Variants in TCN2 observed in about 807,000 individuals in gnomAD.
The protein encoded by TCN2 is transcobalamin 2.
TCN2 carries 34 observed loss-of-function variants against 48.6 expected under a neutral mutation model. That is an observed-to-expected ratio of 0.70 (90% CI 0.53 to 0.93). The LOEUF is 0.93. TCN2 is among the 40% of genes least tolerant of loss of function. TCN2 has a pLI of 0.00. For synonymous variants in TCN2, 283 were observed against 212.5 expected (o/e 1.33, Z -2.89); for missense variants, 652 against 526.1 (o/e 1.24, Z -2.34).
intron 8 of TCN2, among the ~76,000 whole-genome samples, chr22:30,625,007 A>G (rs2087783295): frequency 6.6e-6 from 1 of 152,220 alleles, no homozygotes; most frequent in Non-Finnish European, 1.5e-5. Flanking sequence ...ACCTGAGATC[A>G]GTAGTTCAAG....
intron 7 of TCN2, among the ~76,000 whole-genome samples, chr22:30,618,854 C>T (rs1295358247): frequency 3.3e-5 from 5 of 152,136 alleles, no homozygotes; most frequent in Admixed American, 1.3e-4. Context: ...ATGGCAGCAT[C>T]TACCTCCCAG....
At chr22:30,625,082 G>C (rs1238221451) in intron 8 of TCN2, among the ~76,000 whole-genome samples, 1 of 152,114 alleles carries the variant, frequency 6.6e-6, no homozygotes, top group Non-Finnish European at 1.5e-5. Context: ...GCTGGGGGTG[G>C]TGGCGGGCAC....
intron 7 of TCN2, among the ~76,000 whole-genome samples, chr22:30,620,022 T>TG (rs1240008974): frequency 6.6e-5 from 10 of 152,262 alleles, no homozygotes; most frequent in African/African-American, 2.4e-4. Flanking sequence ...CTGGGCATGA[T>TG]GGTGTGCACC....
rs184174370 is a variant in TCN2, at chr22:30,614,518, G to T, written c.580+17G>T. The T allele has an allele frequency of 1.6e-5, 26 of 1,613,904 alleles. No individual in the cohort carries two copies. In the East Asian group the frequency reaches 5.6e-4, roughly 35 times the overall value. The stretch of plus-strand genomic sequence containing the variant: ...ATTCTGTGGGTGAGTAGGTCAGACC[G>T]TGCCAAGGCCAGGCTGGCACTCCCT... On this transcript the variant is annotated intron_variant, in intron 4 of 8. Coordinates refer to ENST00000215838, the MANE Select transcript of TCN2 (RefSeq NM_000355.4).
chr22:30,622,809 G>A (rs1371352415), intron 7 of TCN2, among the ~76,000 whole-genome samples, 159 bp from the exon 8 acceptor site: 1 of 152,190 alleles, frequency 6.6e-6, no homozygotes, highest in African/African-American at 2.4e-5. Flanking sequence ...GGAGGTGGAA[G>A]TTGAGATCAC....
At chr22:30,623,121 C>G (rs2087722636) in intron 8 of TCN2, 38 bp downstream of exon 8, 1 of 1,605,954 alleles carries the variant, frequency 6.2e-7, no homozygotes, top group Middle Eastern at 1.7e-4. Flanking sequence ...TGTCCCCTAC[C>G]CCAAGCTTAC....
chr22:30,610,150 C>G, intron 1 of TCN2: 1 of 466,042 alleles, frequency 2.1e-6, no homozygotes, highest in South Asian at 1.6e-5. Flanking sequence ...TCGAATAAAT[C>G]CCACAGCAAC....
chr22:30,614,379 G>A lies in TCN2; in HGVS notation c.458G>A (p.Ser153Asn). The change falls in exon 4 of 9, where the codon AGC (serine) becomes AAC (asparagine). Residue 153 changes from serine (S) to asparagine (N), a missense_variant. By Grantham distance (46) the Ser-to-Asn change is conservative. Transcript: ENST00000215838. Reference sequence around the variant, plus strand: ...GATCACAAGGGCCACCCCCACACTAGCTACTACCAGTATGGCCTGGGCATT... The same window carrying A: ...GATCACAAGGGCCACCCCCACACTAACTACTACCAGTATGGCCTGGGCATT... ...GHDHKGHPHT[S>N]YYQYGLGILA... is the part of the protein sequence containing the mutation. The A allele has an allele frequency of 6.2e-7, 1 of 1,614,164 alleles. No individual in the cohort carries two copies. Among genetic ancestry groups the A allele is most frequent in the Admixed American group, 1.7e-5 (1 of 60,018 alleles).
intron 1 of TCN2, chr22:30,610,310 G>GT: frequency 2.1e-6 from 1 of 470,748 alleles, no homozygotes; most frequent in Non-Finnish European, 4.4e-6. Context: ...CCAGCTGGAA[G>GT]TTTGCGTTGT....
At chr22:30,611,723 G>C (rs1300441478) in intron 2 of TCN2, among the ~76,000 whole-genome samples, 1 of 152,224 alleles carries the variant, frequency 6.6e-6, no homozygotes, top group Non-Finnish European at 1.5e-5. Context: ...GGCCAGGCTG[G>C]TCTTGAACTC....
Position 30,622,951 on chromosome 22 carries a change from G to T in TCN2, c.1107-17G>T. ...ACAGCCACCTCTTCTCTCCCCATTT[G>T]CCTTTCCCTTCTGTAGATATGAAAC... On this transcript the variant is annotated splice_polypyrimidine_tract_variant and intron_variant, in intron 7 of 8. Coordinates refer to ENST00000215838, the MANE Select transcript of TCN2 (RefSeq NM_000355.4). 2.5e-6 allele frequency: 4 copies of T among 1,613,088 alleles called. No homozygotes were observed. Among genetic ancestry groups the T allele is most frequent in the Middle Eastern group, 1.6e-4 (1 of 6,062 alleles).
intron 1 of TCN2, among the ~76,000 whole-genome samples, chr22:30,609,897 C>A (rs1289896387): frequency 1.3e-5 from 2 of 152,130 alleles, no homozygotes; most frequent in Non-Finnish European, 2.9e-5. Flanking sequence ...CCCAGACCCA[C>A]AGAGATGGAG....
At position 30,623,029 on chromosome 22, in the gene TCN2, G is replaced by A. The variant is rs367605153; in HGVS notation, c.1168G>A (p.Gly390Arg). The A allele has an allele frequency of 2.2e-5, 35 of 1,613,844 alleles. No individual in the cohort carries two copies. The East Asian group carries it at 3.3e-4, about 15-fold the overall frequency. Residue 390 changes from glycine to arginine, a missense_variant, in exon 8 of 9, where the codon GGA becomes AGA. Coordinates refer to ENST00000215838, the MANE Select transcript of TCN2 (RefSeq NM_000355.4). ...AACCTCCGTGATGGGGAAAGCGGCCGGAGAAAGGGAGTTCTGGCAGCTTCT... is the reference window on the plus strand; with the variant it reads ...AACCTCCGTGATGGGGAAAGCGGCCAGAGAAAGGGAGTTCTGGCAGCTTCT... ...YLTSVMGKAA[G>R]EREFWQLLRD... is the part of the protein sequence containing the mutation.
At chr22:30,618,717 C>T (rs2087652225) in intron 7 of TCN2, among the ~76,000 whole-genome samples, 1 of 152,150 alleles carries the variant, frequency 6.6e-6, no homozygotes, top group Admixed American at 6.6e-5. Flanking sequence ...ATTCATAGCT[C>T]ACTGCAGCCT....
Position 30,623,411 on chromosome 22 carries a change from G to T in TCN2, c.1222+328G>T, listed in dbSNP as rs1469194617. 3 of 263,596 alleles carry T rather than the reference G, an allele frequency of 1.1e-5. No homozygotes were observed. In the East Asian group the frequency reaches 3.0e-4, roughly 26 times the overall value. 16.3% of individuals were successfully genotyped at this position (263,596 alleles called of 1,614,324 possible). A position where few individuals can be genotyped will look rare whatever the true frequency, so the allele number is the denominator to read the frequency against. On this transcript the variant is annotated intron_variant, in intron 8 of 8. Transcript: ENST00000215838. The stretch of plus-strand genomic sequence containing the variant: ...CTTGTTGCCCAGGCTGGAGTGCAGC[G>T]GTATGATCTCGGCTCGCTGCAACCT...
At chr22:30,610,051 C>T (rs755918075) in intron 1 of TCN2, among the ~76,000 whole-genome samples, 2 of 152,152 alleles carry the variant, frequency 1.3e-5, no homozygotes, top group Non-Finnish European at 2.9e-5. Context: ...GCAAACTACT[C>T]TAAGCTACCC....
At chr22:30,625,601 C>G (rs1360189412) in intron 8 of TCN2, among the ~76,000 whole-genome samples, 1 of 152,020 alleles carries the variant, frequency 6.6e-6, no homozygotes, top group African/African-American at 2.4e-5. Context: ...TACGTGTGAC[C>G]ATAGGCCCAT....
In TCN2 at chr22:30,614,404, T is replaced by G; in HGVS notation, c.483T>G (p.Ile161Met). The G allele has an allele frequency of 6.2e-7, 1 of 1,614,172 alleles. No homozygotes were observed. The highest frequency in any genetic ancestry group is 8.5e-7 in the Non-Finnish European group (1 of 1,180,022). Residue 161 changes from isoleucine to methionine, a missense_variant, in exon 4 of 9, where the codon ATT becomes ATG. Coordinates refer to ENST00000215838, the MANE Select transcript of TCN2 (RefSeq NM_000355.4). The stretch of plus-strand genomic sequence containing the variant: ...GCTACTACCAGTATGGCCTGGGCAT[T>G]CTGGCCCTGTGTCTCCACCAGAAGC... Reference protein sequence around the residue: ...HTSYYQYGLGILALCLHQKRV... With the variant: ...HTSYYQYGLGMLALCLHQKRV...
In TCN2 at chr22:30,626,454, C is replaced by A. The variant is rs758143653; in HGVS notation, c.1223-6C>A. On this transcript the variant is annotated splice_region_variant and splice_polypyrimidine_tract_variant and intron_variant, in intron 8 of 8. Coordinates refer to ENST00000215838, the MANE Select transcript of TCN2 (RefSeq NM_000355.4). ...TCGCCCCTCCTTGCTCAATCTGTTT[C>A]TGCAGGTATTGCTGACTACAGACCC... is the stretch of plus-strand genomic sequence containing the variant. The A allele has an allele frequency of 8.7e-6, 14 of 1,614,160 alleles. No homozygotes were observed. The East Asian group carries it at 2.2e-4, about 26-fold the overall frequency.
Sources: allele counts gnomAD v4.1 joint callset (sites outside exome capture counted in the v4.1 genomes callset), GRCh38; gene constraint gnomAD v4.1.1; transcripts MANE v1.5; gene names NCBI Gene and HGNC (gene_info 2026-07-23, HGNC 2026-07-21).